DNAH14: variants seen among roughly 807,000 people sequenced by gnomAD.
DNAH14 encodes the protein axonemal beta dynein heavy chain 14.
DNAH14 carries 478 observed loss-of-function variants against 520.9 expected under a neutral mutation model. The ratio of observed to expected loss-of-function variants is 0.92; its 90% confidence interval spans 0.85 to 0.99. The LOEUF (loss-of-function observed/expected upper bound fraction) is 0.99, where lower values mean the gene tolerates loss of function less well. Among genes scored for constraint, DNAH14 ranks in the 50% least tolerant of loss-of-function variants. DNAH14 has a pLI of 0.00. For missense variants in DNAH14, 4,831 were observed against 5,234.5 expected, an observed-to-expected ratio of 0.92 and a Z score of 2.38; for synonymous variants, 1,581 against 1,757.2, an observed-to-expected ratio of 0.90 and a Z score of 2.51.
At chr1:225,059,258 T>C (rs1414391820) in intron 17 of DNAH14, among the ~76,000 whole-genome samples, 2 of 152,220 alleles carry the variant, frequency 1.3e-5, no homozygotes, top group Non-Finnish European at 2.9e-5. Context: ...TCTTGTTGAA[T>C]TGATCCCTTT....
At chr1:225,162,542 T>C (rs181620423) in intron 35 of DNAH14, among the ~76,000 whole-genome samples, 10 of 152,288 alleles carry the variant, frequency 6.6e-5, no homozygotes, top group Admixed American at 5.9e-4. Context: ...ACCATGTAAA[T>C]TTTAGAATTG....
intron 21 of DNAH14, among the ~76,000 whole-genome samples, chr1:225,091,208 A>G (rs1378786438): frequency 6.6e-6 from 1 of 152,146 alleles, no homozygotes; most frequent in Admixed American, 6.5e-5. Flanking sequence ...ACTTTACTAG[A>G]GGCCAACACT....
At chr1:225,016,449 T>G (rs1211134577) in intron 10 of DNAH14, among the ~76,000 whole-genome samples, 1 of 152,208 alleles carries the variant, frequency 6.6e-6, no homozygotes, top group Non-Finnish European at 1.5e-5. Flanking sequence ...TATATGTGAC[T>G]TGACATTCTT....
chr1:225,107,932 A>C (rs2076208323), intron 23 of DNAH14, among the ~76,000 whole-genome samples: 1 of 152,162 alleles, frequency 6.6e-6, no homozygotes, highest in African/African-American at 2.4e-5. Flanking sequence ...TGTGATGGTT[A>C]GTATTGAGTG....
At chr1:225,261,717 A>G (rs2092942429) in intron 46 of DNAH14, among the ~76,000 whole-genome samples, 1 of 152,094 alleles carries the variant, frequency 6.6e-6, no homozygotes, top group African/African-American at 2.4e-5. Context: ...AAGGAGTGGT[A>G]TTAGTTCCCC....
chr1:225,222,019 CTT>C (rs1240060408), intron 41 of DNAH14, among the ~76,000 whole-genome samples: 2 of 152,140 alleles, frequency 1.3e-5, no homozygotes, highest in Non-Finnish European at 2.9e-5. Context: ...CTACTGGACT[CTT>C]TTTGGTGGTG....
intron 38 of DNAH14, 139 bp from the exon 39 acceptor site, chr1:225,204,044 T>G: frequency 2.1e-6 from 1 of 470,302 alleles, no homozygotes; most frequent in Non-Finnish European, 3.8e-6. Context: ...CTATGCTGGT[T>G]ATATGTTGGT....
intron 49 of DNAH14, among the ~76,000 whole-genome samples, chr1:225,269,488 T>C (rs1473815166): frequency 1.3e-5 from 2 of 152,150 alleles, no homozygotes; most frequent in African/African-American, 4.8e-5. Context: ...TGGGATCTAA[T>C]TAAACGAAAG....
intron 41 of DNAH14, among the ~76,000 whole-genome samples, chr1:225,211,848 T>C (rs1189041830): frequency 6.6e-6 from 1 of 151,972 alleles, no homozygotes; most frequent in Non-Finnish European, 1.5e-5. Flanking sequence ...TTCAACATTC[T>C]TAAAGGAAAG....
At position 225,100,784 on chromosome 1, in the gene DNAH14, A is replaced by G. The variant is rs776754535; in HGVS notation, c.3767A>G (p.Gln1256Arg). The change falls in exon 23 of 86, where the codon CAA (glutamine) becomes CGA (arginine). Residue 1256 changes from glutamine to arginine, a missense_variant. Physicochemically the swap from Gln to Arg is conservative, Grantham distance 43. Transcript: ENST00000682510. The part of the protein sequence containing the change: ...SMWKKIMSKI[Q>R]NKQNALQITT... ...TGGAAAAAAATAATGTCAAAAATAC[A>G]AAACAAACAGAATGCTTTGCAGATA... The G allele has an allele frequency of 4.2e-5, 65 of 1,540,558 alleles. No individual in the cohort carries two copies. The highest frequency in any genetic ancestry group is 5.7e-5 in the Non-Finnish European group (65 of 1,143,900).
chr1:225,087,072 C>G (rs2073903862), intron 21 of DNAH14, among the ~76,000 whole-genome samples: 1 of 151,360 alleles, frequency 6.6e-6, no homozygotes, highest in Admixed American at 6.6e-5. Flanking sequence ...GTTTGGGGAC[C>G]AGATTTACCA....
chr1:225,303,164 T>TA lies in DNAH14; in HGVS notation c.8645dup (p.Asn2882LysfsTer11). 6.7e-7 allele frequency: 1 copy of TA among 1,481,976 alleles called. No homozygotes were observed. The highest frequency in any genetic ancestry group is 9.0e-7 in the Non-Finnish European group (1 of 1,113,218). The allele number at this position is 1,481,976 out of a possible 1,614,324, so 91.8% of individuals were successfully genotyped here. On this transcript the variant is annotated frameshift_variant, in exon 57 of 86. Transcript: ENST00000682510. LOFTEE classifies it high-confidence loss of function. ...TTTTCATTAATTTTCAGAGAATATA[T>TA]AAAAATCTTCATATTTTTGTGATCA... is the stretch of plus-strand genomic sequence containing the variant.
intron 10 of DNAH14, among the ~76,000 whole-genome samples, chr1:225,019,613 A>C (rs2065495586): frequency 6.6e-6 from 1 of 152,190 alleles, no homozygotes; most frequent in Non-Finnish European, 1.5e-5. Flanking sequence ...AACAGAGTAT[A>C]CATTCTTCTC....
intron 1 of DNAH14, among the ~76,000 whole-genome samples, chr1:224,944,241 A>G (rs969951151): frequency 2.0e-5 from 3 of 152,114 alleles, no homozygotes; most frequent in Admixed American, 6.5e-5. Context: ...TCCCTTTACC[A>G]TTATGTAATG....
intron 9 of DNAH14, among the ~76,000 whole-genome samples, chr1:225,004,784 C>T (rs2064037469): frequency 6.6e-6 from 1 of 151,928 alleles, no homozygotes; most frequent in Admixed American, 6.6e-5. Flanking sequence ...TATGCATAGC[C>T]CAGGGATGCA....
chr1:225,166,013 T>C (rs2082011179), intron 35 of DNAH14, among the ~76,000 whole-genome samples: 1 of 151,824 alleles, frequency 6.6e-6, no homozygotes, highest in African/African-American at 2.4e-5. Context: ...TTGATTTATA[T>C]TTATATTTTG....
chr1:225,227,580 C>CT (rs1365451294), intron 41 of DNAH14, among the ~76,000 whole-genome samples: 1 of 152,150 alleles, frequency 6.6e-6, no homozygotes, highest in Non-Finnish European at 1.5e-5. Context: ...ATCTCTCTTT[C>CT]TTTCCCCCAC....
intron 27 of DNAH14, among the ~76,000 whole-genome samples, chr1:225,132,645 T>A (rs908123953): frequency 6.6e-6 from 1 of 152,224 alleles, no homozygotes; most frequent in African/African-American, 2.4e-5. Flanking sequence ...TGATTCCATG[T>A]CTTTGCTATT....
chr1:225,043,580 G>C (rs543265906), intron 13 of DNAH14, among the ~76,000 whole-genome samples, 164 bp from the exon 14 acceptor site: 1 of 152,282 alleles, frequency 6.6e-6, no homozygotes, highest in East Asian at 1.9e-4. Context: ...TCTTTAATCA[G>C]AACCTTGGAA....
Sources: gnomAD v4.1 joint callset for allele counts (sites outside exome capture counted in the v4.1 genomes callset) on GRCh38, gnomAD v4.1.1 for gene constraint, MANE v1.5 for transcripts, NCBI Gene and HGNC (gene_info 2026-07-23, HGNC 2026-07-21) for gene names.